Variants in NR5A2 observed in about 807,000 individuals in gnomAD.
The protein encoded by NR5A2 is nuclear receptor subfamily 5 group A member 2.
Under a neutral mutation model 62.7 loss-of-function variants are expected in NR5A2, and 26 were observed. That is an observed-to-expected ratio of 0.41 (90% CI 0.30 to 0.58). NR5A2 has a LOEUF of 0.58. Among genes scored for constraint, NR5A2 ranks in the 20% least tolerant of loss-of-function variants. The pLI is 0.22. For synonymous variants in NR5A2, 246 were observed against 241.7 expected (o/e 1.02, Z -0.16); for missense variants, 541 against 669.1 (o/e 0.81, Z 2.11).
At chr1:200,045,155 A>G (rs1034896172) in intron 3 of NR5A2, among the ~76,000 whole-genome samples, 2 of 152,148 alleles carry the variant, frequency 1.3e-5, no homozygotes, top group African/African-American at 4.8e-5. Context: ...AAATTTATCT[A>G]TATAGAGTGT....
At chr1:200,123,214 G>A (rs1666553689) in intron 7 of NR5A2, among the ~76,000 whole-genome samples, 1 of 152,144 alleles carries the variant, frequency 6.6e-6, no homozygotes, top group African/African-American at 2.4e-5. Context: ...CTAGTCAGAG[G>A]CCAGGGTCTA....
chr1:200,118,447 G>C (rs935039762), intron 6 of NR5A2, among the ~76,000 whole-genome samples: 3 of 152,182 alleles, frequency 2.0e-5, no homozygotes, highest in Non-Finnish European at 2.9e-5. Flanking sequence ...AGAAGTGAGA[G>C]GTACCTTATT....
chr1:200,028,948 T>C (rs1661446059), intron 1 of NR5A2: 1 of 355,412 alleles, frequency 2.8e-6, no homozygotes, highest in Non-Finnish European at 5.7e-6. Flanking sequence ...CTTGAGGAAA[T>C]GTTTACCAAA....
At chr1:200,154,580 G>A (rs952178117) in intron 7 of NR5A2, among the ~76,000 whole-genome samples, 1 of 152,222 alleles carries the variant, frequency 6.6e-6, no homozygotes, top group Non-Finnish European at 1.5e-5. Flanking sequence ...AGAGCCAGAT[G>A]CAGTGGCACA....
At chr1:200,073,486 T>C (rs138867435) in intron 5 of NR5A2, among the ~76,000 whole-genome samples, 3 of 151,888 alleles carry the variant, frequency 2.0e-5, no homozygotes, top group African/African-American at 7.2e-5. Flanking sequence ...TAACCTCCCA[T>C]GTACTTTAAA....
In NR5A2 at chr1:200,145,334, A is replaced by G. The variant is rs148093608; in HGVS notation, c.1378+24379A>G. Reference sequence around the variant, plus strand: ...AAAAAAAATTTTTTTTAGAACTACCAAATTGGAATTTCCAGAGTAATGGCA... The same window carrying G: ...AAAAAAAATTTTTTTTAGAACTACCGAATTGGAATTTCCAGAGTAATGGCA... On this transcript the variant is annotated intron_variant, in intron 7 of 7. Coordinates refer to ENST00000367362, the MANE Select transcript of NR5A2 (RefSeq NM_205860.3). Among the ~76,000 whole-genome samples the G allele has an allele frequency of 1.3e-4, 20 of 152,174 alleles. No homozygotes were observed. The East Asian group carries it at 3.7e-3, about 28-fold the overall frequency.
At chr1:200,058,926 A>G (rs1365923622) in intron 5 of NR5A2, among the ~76,000 whole-genome samples, 2 of 147,600 alleles carry the variant, frequency 1.4e-5, no homozygotes, top group East Asian at 2.3e-4. Flanking sequence ...CCTGGCCAAC[A>G]TGGTGAAACC....
At chr1:200,075,303 C>A (rs1013293418) in intron 5 of NR5A2, among the ~76,000 whole-genome samples, 3 of 152,086 alleles carry the variant, frequency 2.0e-5, no homozygotes, top group Non-Finnish European at 4.4e-5. Flanking sequence ...AGGAAAGCCG[C>A]TTTGCAAAAA....
intron 7 of NR5A2, among the ~76,000 whole-genome samples, chr1:200,125,288 T>C (rs541793745): frequency 5.0e-4 from 76 of 152,376 alleles, no homozygotes; most frequent in African/African-American, 1.8e-3. Context: ...GTTGTACAAT[T>C]CTTTCTTGGC....
At chr1:200,145,572 GTTTC>G (rs1667664556) in intron 7 of NR5A2, among the ~76,000 whole-genome samples, 1 of 151,530 alleles carries the variant, frequency 6.6e-6, no homozygotes, top group Admixed American at 6.6e-5. Flanking sequence ...ATGAATTCCA[GTTTC>G]TTTCTAAAAA....
chr1:200,062,319 T>C (rs950031504), intron 5 of NR5A2, among the ~76,000 whole-genome samples: 1 of 151,942 alleles, frequency 6.6e-6, no homozygotes, highest in African/African-American at 2.4e-5. Flanking sequence ...ACACACATTC[T>C]CTGAAATGTT....
rs748994632 is a variant in NR5A2, at chr1:200,174,054, G to A, written c.1470G>A (p.Pro490=). 2.7e-5 allele frequency: 44 copies of A among 1,611,210 alleles called. No individual in the cohort carries two copies. The highest frequency in any genetic ancestry group is 2.5e-4 in the South Asian group (23 of 90,868). ...ALLDYTMCNY[P]QQTEKFGQLL... is the part of the protein sequence containing the mutation. ...TGGACTACACAATGTGTAACTACCCGCAGCAGACAGAGAAATTTGGACAGC... is the reference window on the plus strand; with the variant it reads ...TGGACTACACAATGTGTAACTACCCACAGCAGACAGAGAAATTTGGACAGC... Residue 490 remains proline, a synonymous_variant, in exon 8 of 8, where the codon CCG becomes CCA. Transcript: ENST00000367362.
Position 200,043,901 on chromosome 1 carries a change from A to C in NR5A2, c.321+9A>C. ...CCTGTGAAAGCTGCAAGGTTTGCTC[A>C]CACATTGCTACCTGAAAAATATAAT... On this transcript the variant is annotated intron_variant, in intron 3 of 7. Coordinates refer to ENST00000367362, the MANE Select transcript of NR5A2 (RefSeq NM_205860.3). 2 of 1,532,464 alleles carry C rather than the reference A, an allele frequency of 1.3e-6. No homozygotes were observed. The highest frequency in any genetic ancestry group is 1.8e-6 in the Non-Finnish European group (2 of 1,109,000). 94.9% of individuals were successfully genotyped at this position (1,532,464 alleles called of 1,614,324 possible). A position where few individuals can be genotyped will look rare whatever the true frequency, so the allele number is the denominator to read the frequency against.
At chr1:200,040,045 C>G (rs1661993111) in intron 2 of NR5A2, among the ~76,000 whole-genome samples, 1 of 152,274 alleles carries the variant, frequency 6.6e-6, no homozygotes, top group Non-Finnish European at 1.5e-5. Context: ...GCTTCCAGCT[C>G]TATGGCAACC....
At chr1:200,072,307 A>G (rs1663772826) in intron 5 of NR5A2, among the ~76,000 whole-genome samples, 1 of 152,190 alleles carries the variant, frequency 6.6e-6, no homozygotes, top group African/African-American at 2.4e-5. Flanking sequence ...ACCATATTAT[A>G]TAGCAATCAG....
chr1:200,139,066 G>A (rs1667345389), intron 7 of NR5A2, among the ~76,000 whole-genome samples: 1 of 152,114 alleles, frequency 6.6e-6, no homozygotes, highest in Non-Finnish European at 1.5e-5. Flanking sequence ...TTAGTCAGGT[G>A]TACTCTGATG....
chr1:200,099,676 C>T (rs984410281), intron 5 of NR5A2, among the ~76,000 whole-genome samples: 3 of 152,190 alleles, frequency 2.0e-5, no homozygotes, highest in Non-Finnish European at 4.4e-5. Flanking sequence ...TCACTGCAAC[C>T]TCTGCCTCCC....
chr1:200,093,810 A>G (rs1664930331), intron 5 of NR5A2, among the ~76,000 whole-genome samples: 1 of 152,132 alleles, frequency 6.6e-6, no homozygotes, highest in Non-Finnish European at 1.5e-5. Flanking sequence ...TCTAGCCCAA[A>G]CTTTCGCAAA....
Position 200,147,754 on chromosome 1 carries a change from ATGCCGGCGCGAATGCCGGCACGG to A in NR5A2, c.1379-26208_1379-26186del. On this transcript the variant is annotated intron_variant, in intron 7 of 7. Transcript: ENST00000367362. This position sits in a 1 kb window ranked among gnomAD's most constrained non-coding sequence, Gnocchi z 4.9. The stretch of plus-strand genomic sequence containing the variant: ...TCCCACGTCCACGGTGAAGACGCGG[ATGCCGGCGCGAATGCCGGCACGG>A]ATGCCGGCACGGTGGGCAGCCGCCG... 3 of 530,096 alleles carry A rather than the reference ATGCCGGCGCGAATGCCGGCACGG, an allele frequency of 5.7e-6. No homozygotes were observed. Among genetic ancestry groups the A allele is most frequent in the East Asian group, 4.0e-5 (1 of 24,944 alleles). The allele number at this position is 530,096 out of a possible 1,614,324, so 32.8% of individuals were successfully genotyped here.
Sources: gnomAD v4.1 joint callset for allele counts (sites outside exome capture counted in the v4.1 genomes callset) on GRCh38, gnomAD v4.1.1 for gene constraint, Gnocchi (gnomAD v3.1) non-coding constraint, MANE v1.5 for transcripts, NCBI Gene and HGNC (gene_info 2026-07-23, HGNC 2026-07-21) for gene names.